GPM6A: variants seen among roughly 807,000 people sequenced by gnomAD.
The protein encoded by GPM6A is glycoprotein M6A.
Under a neutral mutation model 32.1 loss-of-function variants are expected in GPM6A, and 7 were observed. That is an observed-to-expected ratio of 0.22 (90% CI 0.12 to 0.41). GPM6A has a LOEUF of 0.41. Ranked by LOEUF, GPM6A falls within the 10% of genes least tolerant of loss-of-function variation. The pLI, the probability that GPM6A is intolerant of heterozygous loss-of-function variation, is 1.00. For missense variants in GPM6A, 235 were observed against 347.2 expected (o/e 0.68, Z 2.57); for synonymous variants, 130 against 123.4 (o/e 1.05, Z -0.35).
chr4:175,708,822 T>G (rs1374400572), intron 1 of GPM6A, among the ~76,000 whole-genome samples: 1 of 152,168 alleles, frequency 6.6e-6, no homozygotes, highest in African/African-American at 2.4e-5. Flanking sequence ...AATTTTTGCT[T>G]TCTTGTTTTC....
intron 3 of GPM6A, among the ~76,000 whole-genome samples, chr4:175,664,054 A>C (rs1300711333): frequency 1.3e-5 from 2 of 152,186 alleles, no homozygotes; most frequent in East Asian, 1.9e-4. Context: ...ATGCGGAGGA[A>C]CCTTAAATGC....
At chr4:175,660,569 T>TA (rs902327736) in intron 3 of GPM6A, among the ~76,000 whole-genome samples, 1 of 152,146 alleles carries the variant, frequency 6.6e-6, no homozygotes, top group East Asian at 1.9e-4. Context: ...AATATGTTGC[T>TA]AAAAAATAAC....
intron 2 of GPM6A, among the ~76,000 whole-genome samples, chr4:175,692,788 T>G (rs1170334284): frequency 6.6e-6 from 1 of 152,174 alleles, no homozygotes. Flanking sequence ...CTTTTACAAA[T>G]TAGCTTACCT....
intron 1 of GPM6A, among the ~76,000 whole-genome samples, chr4:175,829,193 G>A (rs994157242): frequency 1.3e-5 from 2 of 152,202 alleles, no homozygotes; most frequent in African/African-American, 4.8e-5. Context: ...GCCTTCCAAA[G>A]TGCTGGGAGC....
In GPM6A at chr4:175,867,833, C is replaced by T. The variant is rs564408962; in HGVS notation, c.-22-55584G>A. On this transcript the variant is annotated intron_variant, in intron 1 of 7. Transcript: ENST00000280187. The stretch of plus-strand genomic sequence containing the variant: ...GATTGAAGTGGGGTATTTCCCTTCC[C>T]CCAGATCAGTTAGGTTCTGATCATA... Among the ~76,000 whole-genome samples, 8 of 152,292 alleles carry T rather than the reference C, an allele frequency of 5.3e-5. No homozygotes were observed. In the South Asian group the frequency reaches 1.7e-3, roughly 32 times the overall value.
intron 1 of GPM6A, among the ~76,000 whole-genome samples, chr4:175,797,887 C>T (rs1357609724): frequency 1.3e-5 from 2 of 152,020 alleles, no homozygotes; most frequent in Non-Finnish European, 2.9e-5. Context: ...TTATGAATCA[C>T]AATTGGGAAA....
chr4:175,709,149 G>A (rs1012424761), intron 1 of GPM6A, among the ~76,000 whole-genome samples: 7 of 152,042 alleles, frequency 4.6e-5, no homozygotes, highest in African/African-American at 1.2e-4. Flanking sequence ...TTTTTAATGC[G>A]TTCGTCATCT....
At chr4:175,767,338 C>A (rs953883685) in intron 1 of GPM6A, among the ~76,000 whole-genome samples, 8 of 152,156 alleles carry the variant, frequency 5.3e-5, no homozygotes, top group African/African-American at 1.9e-4. Context: ...GGTGACACTC[C>A]TGTGGGGGAC....
At position 175,634,913 on chromosome 4, in the gene GPM6A, A is replaced by G; in HGVS notation, c.829T>C (p.Tyr277His). 6.2e-7 allele frequency: 1 copy of G among 1,613,336 alleles called. No individual in the cohort carries two copies. The highest frequency in any genetic ancestry group is 8.5e-7 in the Non-Finnish European group (1 of 1,179,436). ...AGAACAGGAAGATGCATTTATGTGT[A>G]TGCATTGAGCCGCTCTTTGGAGCGA... The part of the protein sequence containing the change: ...STRSKERLNA[Y>H]T The change falls in exon 7 of 7, where the codon TAC becomes CAC. Residue 277 changes from tyrosine to histidine, a missense_variant. Tyr to His is a moderately conservative substitution (Grantham distance 83, BLOSUM62 2). This residue lies in a region of GPM6A where 27 missense variants were observed against 59.4 expected (regional missense o/e 0.45). Transcript: ENST00000393658.
chr4:175,697,999 T>G (rs1337370751), intron 2 of GPM6A, among the ~76,000 whole-genome samples: 1 of 152,220 alleles, frequency 6.6e-6, no homozygotes, highest in Admixed American at 6.6e-5. Context: ...TTGCGTTTGC[T>G]GTTGCCTTTC....
intron 3 of GPM6A, among the ~76,000 whole-genome samples, chr4:175,656,861 C>A (rs930890009): frequency 6.6e-6 from 1 of 152,152 alleles, no homozygotes; most frequent in South Asian, 2.1e-4. Context: ...GCACAAGTCT[C>A]TGAGTCTCTG....
intron 2 of GPM6A, among the ~76,000 whole-genome samples, chr4:175,683,989 A>T (rs1488426101): frequency 1.3e-5 from 2 of 151,802 alleles, no homozygotes; most frequent in Non-Finnish European, 2.9e-5. Context: ...GCACCACCAC[A>T]CTAGCTAATT....
At chr4:175,839,822 A>G (rs1344813838) in intron 1 of GPM6A, among the ~76,000 whole-genome samples, 1 of 152,188 alleles carries the variant, frequency 6.6e-6, no homozygotes, top group East Asian at 1.9e-4. Context: ...CTTTATTGCC[A>G]TCAAAAGATA....
chr4:175,773,723 T>C lies in GPM6A; in HGVS notation c.37+38468A>G, dbSNP rs1028121894. Among the ~76,000 whole-genome samples, 13 of 152,280 alleles carry C rather than the reference T, an allele frequency of 8.5e-5. No homozygotes were observed. In the South Asian group the frequency reaches 2.7e-3, roughly 32 times the overall value. On this transcript the variant is annotated intron_variant, in intron 1 of 6. Transcript: ENST00000393658. ...TGGCTATCACTGTACATAAAACCTG[T>C]ATACCTCAGAGTCCTGCACAGTTTC...
chr4:175,673,293 C>T (rs1010681769), intron 3 of GPM6A, among the ~76,000 whole-genome samples: 1 of 151,758 alleles, frequency 6.6e-6, no homozygotes, highest in African/African-American at 2.4e-5. Context: ...ATATAGCTGT[C>T]CTCAAATTTA....
intron 1 of GPM6A, among the ~76,000 whole-genome samples, chr4:175,849,231 C>G (rs1736178197): frequency 6.6e-6 from 1 of 152,148 alleles, no homozygotes. Context: ...TATCCATGTA[C>G]TTCCCAATTC....
chr4:175,787,657 C>G, intron 1 of GPM6A: 1 of 1,193,394 alleles, frequency 8.4e-7, no homozygotes, highest in East Asian at 4.0e-5. Flanking sequence ...TCTTCCTAGT[C>G]AGACAAATTT....
chr4:175,794,214 C>T (rs768316202), intron 1 of GPM6A, among the ~76,000 whole-genome samples: 2 of 152,120 alleles, frequency 1.3e-5, no homozygotes, highest in African/African-American at 2.4e-5. Flanking sequence ...ATAAAAGTAT[C>T]TTATTTGTAT....
Position 175,952,834 on chromosome 4 carries a change from C to T in GPM6A, c.-23+49475G>A, listed in dbSNP as rs11931002. On this transcript the variant is annotated intron_variant, in intron 1 of 7. Coordinates refer to the GPM6A transcript ENST00000280187. ...GCTGAGATGGGAGGATCCCTTGAGC[C>T]CCACAGTTCAAGACCAGCCTGAGCA... 9.2e-3 allele frequency among the ~76,000 whole-genome samples: 1,397 copies of T among 151,844 alleles called. 18 individuals are homozygous for T. Among genetic ancestry groups the T allele is most frequent in the African/African-American group, 0.032 (1,333 of 41,386 alleles).
Sources: gnomAD v4.1 joint callset for allele counts (sites outside exome capture counted in the v4.1 genomes callset) on GRCh38, gnomAD v4.1.1 for gene constraint, gnomAD v4.1.1 regional missense constraint, MANE v1.5 for transcripts, NCBI Gene and HGNC (gene_info 2026-07-23, HGNC 2026-07-21) for gene names.